CYFIP2: variants seen among roughly 807,000 people sequenced by gnomAD.
CYFIP2 encodes cytoplasmic FMR1 interacting protein 2.
A neutral mutation model predicts 158.7 loss-of-function variants in CYFIP2; 29 were observed. That is an observed-to-expected ratio of 0.18 (90% CI 0.14 to 0.25). The LOEUF (loss-of-function observed/expected upper bound fraction) is 0.25. Ranked by LOEUF, CYFIP2 falls within the 10% of genes least tolerant of loss-of-function variation. The pLI is 1.00. For missense variants in CYFIP2, 852 were observed against 1,639.5 expected (o/e 0.52, Z 8.29); for synonymous variants, 585 against 617.6 (o/e 0.95, Z 0.78).
chr5:157,314,054 T>C (rs1481689323), intron 11 of CYFIP2, among the ~76,000 whole-genome samples: 2 of 152,164 alleles, frequency 1.3e-5, no homozygotes, highest in African/African-American at 4.8e-5. Flanking sequence ...TGAGACCCTG[T>C]CTCTAAAAGA....
intron 3 of CYFIP2, among the ~76,000 whole-genome samples, chr5:157,294,505 A>G (rs1042293971): frequency 6.6e-6 from 1 of 152,106 alleles, no homozygotes; most frequent in African/African-American, 2.4e-5. Context: ...CATTCTTTCT[A>G]AGGTAGCCAT....
At chr5:157,277,161 G>A (rs1756618484) in intron 1 of CYFIP2, 1 of 152,012 alleles carries the variant, frequency 6.6e-6, no homozygotes, top group Non-Finnish European at 1.5e-5. Flanking sequence ...CTCCCGAGTA[G>A]CTGGGACTAC....
At chr5:157,296,341 C>T in intron 4 of CYFIP2, 1 of 366,806 alleles carries the variant, frequency 2.7e-6, no homozygotes, top group Non-Finnish European at 5.5e-6. Flanking sequence ...TGCCTGTAAT[C>T]CCAGCAATTT....
intron 2 of CYFIP2, 94 bp downstream of exon 2, chr5:157,285,572 A>G: frequency 8.9e-7 from 1 of 1,120,144 alleles, no homozygotes. Context: ...GGAGGTCTGC[A>G]TCTAGAAGGT....
chr5:157,280,052 G>A (rs1257358024), intron 1 of CYFIP2, among the ~76,000 whole-genome samples: 3 of 152,204 alleles, frequency 2.0e-5, no homozygotes, highest in Admixed American at 6.5e-5. Flanking sequence ...TGCCAGGGGA[G>A]AAGAAAGATA....
At chr5:157,384,050 C>T (rs553959107) in intron 28 of CYFIP2, among the ~76,000 whole-genome samples, 56 of 152,170 alleles carry the variant, frequency 3.7e-4, no homozygotes, top group Non-Finnish European at 6.0e-4. Context: ...ATGGTGGCAA[C>T]CTCTGAAGAG....
At chr5:157,305,676 A>G (rs562082089) in intron 8 of CYFIP2, among the ~76,000 whole-genome samples, 2 of 151,918 alleles carry the variant, frequency 1.3e-5, no homozygotes, top group Admixed American at 6.5e-5. Context: ...ACACTCAGCT[A>G]TTTTTTTAAA....
In CYFIP2 at chr5:157,338,279, TGACTGCA is replaced by T. The variant is rs529313139; in HGVS notation, c.2386-764_2386-758del. Among the ~76,000 whole-genome samples the T allele has an allele frequency of 1.5e-3, 228 of 152,360 alleles. 1 individual carries two copies. Among genetic ancestry groups the T allele is most frequent in the South Asian group, 3.5e-3 (17 of 4,826 alleles). Reference sequence around the variant, plus strand: ...CACATAGATCCCGGTCATCATGAGCTGACTGCAGACTGCAGACTGCTTGCCCATGGCT... The same window carrying T: ...CACATAGATCCCGGTCATCATGAGCTGACTGCAGACTGCTTGCCCATGGCT... On this transcript the variant is annotated intron_variant, in intron 21 of 30. Transcript: ENST00000620254.
intron 28 of CYFIP2, among the ~76,000 whole-genome samples, chr5:157,387,240 CTTTT>C (rs994825083): frequency 5.3e-5 from 8 of 151,670 alleles, no homozygotes; most frequent in Admixed American, 4.6e-4. Flanking sequence ...TTTCTTAGAA[CTTTT>C]TTTTTCTTTT....
intron 5 of CYFIP2, among the ~76,000 whole-genome samples, 169 bp downstream of exon 5, chr5:157,296,943 G>A (rs759173002): frequency 5.3e-5 from 8 of 152,218 alleles, no homozygotes; most frequent in Non-Finnish European, 1.0e-4. Context: ...CCCCACCCTC[G>A]TGGAATTTTC....
chr5:157,299,828 A>C (rs1218029216), intron 5 of CYFIP2, among the ~76,000 whole-genome samples: 1 of 152,096 alleles, frequency 6.6e-6, no homozygotes, highest in African/African-American at 2.4e-5. Context: ...CTGGAACCTG[A>C]GAGGCGGAGG....
At chr5:157,377,895 C>T (rs1011123255) in intron 26 of CYFIP2, among the ~76,000 whole-genome samples, 5 of 152,234 alleles carry the variant, frequency 3.3e-5, no homozygotes, top group Non-Finnish European at 7.3e-5. Flanking sequence ...TGCCCTGGTC[C>T]TCCATCAGCA....
At chr5:157,293,537 G>A (rs1758003299) in intron 3 of CYFIP2, among the ~76,000 whole-genome samples, 1 of 152,096 alleles carries the variant, frequency 6.6e-6, no homozygotes, top group Non-Finnish European at 1.5e-5. Context: ...GATAGTACAT[G>A]GGCTGTTATA....
At chr5:157,294,687 C>T in intron 3 of CYFIP2, 96 bp from the exon 4 acceptor site, 1 of 956,302 alleles carries the variant, frequency 1.0e-6, no homozygotes, top group Middle Eastern at 2.9e-4. Context: ...GCTGTGGGTC[C>T]ATGGACCATA....
At chr5:157,371,260 C>A (rs1764972003) in intron 26 of CYFIP2, among the ~76,000 whole-genome samples, 1 of 152,152 alleles carries the variant, frequency 6.6e-6, no homozygotes, top group Non-Finnish European at 1.5e-5. Flanking sequence ...CTGGTTAGGG[C>A]CCAGCTCCCC....
intron 30 of CYFIP2, among the ~76,000 whole-genome samples, chr5:157,390,873 AC>A (rs1767213503): frequency 6.6e-6 from 1 of 151,964 alleles, no homozygotes; most frequent in Admixed American, 6.6e-5. Flanking sequence ...GAATCAGTTC[AC>A]CCCGAAGGGC....
intron 28 of CYFIP2, among the ~76,000 whole-genome samples, chr5:157,387,979 C>T (rs1481685287): frequency 3.3e-5 from 5 of 152,214 alleles, no homozygotes; most frequent in Admixed American, 6.5e-5. Context: ...AAGTCACCCT[C>T]TCTTCCTGGG....
intron 1 of CYFIP2, among the ~76,000 whole-genome samples, chr5:157,274,921 T>G (rs1291026044): frequency 6.6e-6 from 1 of 152,154 alleles, no homozygotes; most frequent in Admixed American, 6.5e-5. Flanking sequence ...TAAGAATTCA[T>G]TTTTTAAATT....
Position 157,311,279 on chromosome 5 carries a change from G to A in CYFIP2, c.993-385G>A. The A allele has an allele frequency of 2.7e-6, 1 of 371,270 alleles. No individual in the cohort carries two copies. Among genetic ancestry groups the A allele is most frequent in the Middle Eastern group, 9.7e-4 (1 of 1,036 alleles). 23.0% of individuals were successfully genotyped at this position (371,270 alleles called of 1,614,324 possible). On this transcript the variant is annotated intron_variant, in intron 10 of 30. Transcript: ENST00000620254. The surrounding 1 kb of genome is among the most constrained non-coding windows in gnomAD (Gnocchi z 4.7). The stretch of plus-strand genomic sequence containing the variant: ...CCAGCTTCAACCGCAGAGTGTCTGT[G>A]CTGTCAGAGTGGGTAGGCTGGTTTT...
Sources: gnomAD v4.1 joint callset for allele counts (sites outside exome capture counted in the v4.1 genomes callset) on GRCh38, gnomAD v4.1.1 for gene constraint, Gnocchi (gnomAD v3.1) non-coding constraint, MANE v1.5 for transcripts, NCBI Gene and HGNC (gene_info 2026-07-23, HGNC 2026-07-21) for gene names.